Variants in ADGRB3 observed in about 807,000 individuals in gnomAD.
ADGRB3 encodes the protein adhesion G protein-coupled receptor B3, also known as brain-specific angiogenesis inhibitor 3.
A neutral mutation model predicts 193.4 loss-of-function variants in ADGRB3; 37 were observed. That is an observed-to-expected ratio of 0.19 (90% CI 0.15 to 0.25). The LOEUF (loss-of-function observed/expected upper bound fraction) is 0.25, where lower values mean the gene tolerates loss of function less well. Ranked by LOEUF, ADGRB3 falls within the 10% of genes least tolerant of loss-of-function variation. ADGRB3 has a pLI of 1.00. For missense variants in ADGRB3, 1,637 were observed against 1,852.9 expected, an observed-to-expected ratio of 0.88 and a Z score of 2.14; for synonymous variants, 690 against 644.2, an observed-to-expected ratio of 1.07 and a Z score of -1.08.
At chr6:69,163,542 G>A (rs970438139) in intron 17 of ADGRB3, among the ~76,000 whole-genome samples, 3 of 151,992 alleles carry the variant, frequency 2.0e-5, no homozygotes, top group African/African-American at 7.2e-5. Flanking sequence ...TTTTCAATTT[G>A]GTCTTGCAAA....
intron 3 of ADGRB3, among the ~76,000 whole-genome samples, chr6:68,809,876 T>C (rs912649318): frequency 1.4e-4 from 21 of 152,196 alleles, no homozygotes; most frequent in Non-Finnish European, 2.9e-4. Flanking sequence ...GACAGTTCTT[T>C]CCAAGTCACT....
intron 3 of ADGRB3, among the ~76,000 whole-genome samples, chr6:68,642,485 G>T (rs953447012): frequency 4.6e-5 from 7 of 152,026 alleles, no homozygotes; most frequent in African/African-American, 7.2e-5. Context: ...GAAAAGAACG[G>T]CAAGAAAACT....
At chr6:68,909,276 T>C (rs1766633013) in intron 3 of ADGRB3, among the ~76,000 whole-genome samples, 1 of 152,178 alleles carries the variant, frequency 6.6e-6, no homozygotes, top group African/African-American at 2.4e-5. Flanking sequence ...ATATTTTCTA[T>C]TATGAACTTG....
chr6:69,348,110 A>G (rs1201391810), intron 26 of ADGRB3, among the ~76,000 whole-genome samples: 1 of 152,164 alleles, frequency 6.6e-6, no homozygotes, highest in Non-Finnish European at 1.5e-5. Context: ...ATTTTCACAC[A>G]TGGTTCTCCT....
intron 30 of ADGRB3, among the ~76,000 whole-genome samples, chr6:69,372,682 T>A (rs1317710729): frequency 6.6e-6 from 1 of 152,080 alleles, no homozygotes; most frequent in African/African-American, 2.4e-5. Flanking sequence ...GTTTTATACA[T>A]ACTACGATAA....
At chr6:68,870,568 A>G (rs1462053763) in intron 3 of ADGRB3, among the ~76,000 whole-genome samples, 2 of 152,164 alleles carry the variant, frequency 1.3e-5, no homozygotes, top group Non-Finnish European at 2.9e-5. Context: ...GAGTTAATCC[A>G]TCTTTCACAG....
intron 17 of ADGRB3, among the ~76,000 whole-genome samples, chr6:69,100,341 A>G (rs1772997154): frequency 6.6e-6 from 1 of 152,214 alleles, no homozygotes; most frequent in South Asian, 2.1e-4. Context: ...AACTGGATAC[A>G]AAATAACTAA....
intron 17 of ADGRB3, among the ~76,000 whole-genome samples, chr6:69,182,643 A>G (rs1775618660): frequency 6.6e-6 from 1 of 151,936 alleles, no homozygotes; most frequent in African/African-American, 2.4e-5. Flanking sequence ...GCATTACTTG[A>G]GGCAAATTGA....
chr6:68,672,371 T>C (rs1768985184), intron 3 of ADGRB3, among the ~76,000 whole-genome samples: 1 of 151,996 alleles, frequency 6.6e-6, no homozygotes, highest in African/African-American at 2.4e-5. Context: ...TATTTGATGT[T>C]TTTCTTCTTT....
chr6:68,910,285 C>T (rs1402233956), intron 3 of ADGRB3, among the ~76,000 whole-genome samples: 4 of 152,092 alleles, frequency 2.6e-5, no homozygotes, highest in Admixed American at 2.6e-4. Context: ...TGTTTGAGTT[C>T]ATTGTAGATT....
chr6:68,926,030 A>G (rs1291750459), intron 3 of ADGRB3, among the ~76,000 whole-genome samples: 2 of 152,078 alleles, frequency 1.3e-5, no homozygotes, highest in Non-Finnish European at 1.5e-5. Context: ...ATAATCATAC[A>G]TAACTAATTT....
At chr6:68,654,861 A>G (rs1768455242) in intron 3 of ADGRB3, among the ~76,000 whole-genome samples, 1 of 151,864 alleles carries the variant, frequency 6.6e-6, no homozygotes, top group South Asian at 2.1e-4. Flanking sequence ...AAGTCTTTGT[A>G]ATCAATACAT....
chr6:69,248,989 T>A (rs989187070), intron 20 of ADGRB3, among the ~76,000 whole-genome samples: 1 of 152,294 alleles, frequency 6.6e-6, no homozygotes, highest in African/African-American at 2.4e-5. Context: ...TTCTTTTTCT[T>A]TTTTTTGAAA....
At chr6:68,870,794 T>A in intron 3 of ADGRB3, among the ~76,000 whole-genome samples, 1 of 152,190 alleles carries the variant, frequency 6.6e-6, no homozygotes, top group Non-Finnish European at 1.5e-5. Context: ...TTGGGTTTCA[T>A]GAGGCTAGAC....
chr6:68,950,619 G>C (rs1767890097), intron 6 of ADGRB3, among the ~76,000 whole-genome samples: 1 of 152,226 alleles, frequency 6.6e-6, no homozygotes, highest in South Asian at 2.1e-4. Flanking sequence ...TCAATAAAAT[G>C]ATCAACCCTT....
chr6:69,201,481 T>A (rs888229440), intron 17 of ADGRB3, among the ~76,000 whole-genome samples: 15 of 152,218 alleles, frequency 9.9e-5, no homozygotes, highest in African/African-American at 3.6e-4. Context: ...CCTTCTAATT[T>A]TCTCTGCTTT....
At chr6:68,880,730 C>A (rs2150224223) in intron 3 of ADGRB3, among the ~76,000 whole-genome samples, 1 of 151,950 alleles carries the variant, frequency 6.6e-6, no homozygotes, top group African/African-American at 2.4e-5. Context: ...CACAGAGCAT[C>A]TCCAGGAAAA....
In ADGRB3 at chr6:69,093,854, G is replaced by A. The variant is rs1267030325; in HGVS notation, c.2480+17816G>A. ...CATGAGAACTAGAGATGTAAGAATC[G>A]TAAGACCTGTGTTTGCTTTGCTAGG... On this transcript the variant is annotated intron_variant, in intron 17 of 31. Coordinates refer to ENST00000370598, the MANE Select transcript of ADGRB3 (RefSeq NM_001704.3). Among the ~76,000 whole-genome samples, 18 of 152,286 alleles carry A rather than the reference G, an allele frequency of 1.2e-4. No homozygotes were observed. The South Asian group carries it at 1.2e-3, about 11-fold the overall frequency.
Position 68,956,019 on chromosome 6 carries a change from G to T in ADGRB3, c.1196-5G>T, listed in dbSNP as rs2150256513. The stretch of plus-strand genomic sequence containing the variant: ...CTCATGCTGTCTCTTTTTCTGCTTT[G>T]GTAGTTGATGGACAGTGGCAAGAGT... On this transcript the variant is annotated splice_region_variant and splice_polypyrimidine_tract_variant and intron_variant, in intron 6 of 31. Coordinates refer to ENST00000370598, the MANE Select transcript of ADGRB3 (RefSeq NM_001704.3). The T allele has an allele frequency of 6.2e-7, 1 of 1,610,864 alleles. No individual in the cohort carries two copies. The highest frequency in any genetic ancestry group is 1.1e-5 in the South Asian group (1 of 90,712).
Sources: gnomAD v4.1 joint callset for allele counts (sites outside exome capture counted in the v4.1 genomes callset) on GRCh38, gnomAD v4.1.1 for gene constraint, MANE v1.5 for transcripts, NCBI Gene and HGNC (gene_info 2026-07-23, HGNC 2026-07-21) for gene names.